SNX27: variants seen among roughly 807,000 people sequenced by gnomAD.
The protein encoded by SNX27 is sorting nexin 27.
SNX27 carries 22 observed loss-of-function variants against 71.6 expected under a neutral mutation model. The ratio of observed to expected loss-of-function variants is 0.31; its 90% CI spans 0.22 to 0.44. The LOEUF (loss-of-function observed/expected upper bound fraction) is 0.44, where lower values mean the gene tolerates loss of function less well. Ranked by LOEUF, SNX27 falls within the 20% of genes least tolerant of loss-of-function variation. The probability of loss-of-function intolerance (pLI) is 1.00; values close to 1 mark genes in which losing one functional copy is unlikely to be tolerated. For missense variants in SNX27, 531 were observed against 698.6 expected, an observed-to-expected ratio of 0.76 and a Z score of 2.70; for synonymous variants, 269 against 277.2, an observed-to-expected ratio of 0.97 and a Z score of 0.29.
At chr1:151,690,124 C>T (rs972083419) in intron 8 of SNX27, among the ~76,000 whole-genome samples, 3 of 152,328 alleles carry the variant, frequency 2.0e-5, no homozygotes, top group African/African-American at 4.8e-5. Context: ...GCTGGGATTA[C>T]AGGCATGAGC....
intron 1 of SNX27, chr1:151,613,876 T>A (rs1297284673): frequency 6.6e-6 from 1 of 152,212 alleles, no homozygotes; most frequent in African/African-American, 2.4e-5. Context: ...TGTTGTGCAT[T>A]CCTTTTTTAC....
At chr1:151,614,760 T>A (rs184790077) in intron 1 of SNX27, among the ~76,000 whole-genome samples, 1,637 of 152,334 alleles carry the variant, frequency 0.011, 16 homozygotes, top group Non-Finnish European at 0.016. Flanking sequence ...TTTTTAAATT[T>A]AAAACTAAAG....
At chr1:151,630,483 A>G (rs1328163475) in intron 1 of SNX27, among the ~76,000 whole-genome samples, 1 of 152,154 alleles carries the variant, frequency 6.6e-6, no homozygotes, top group Non-Finnish European at 1.5e-5. Context: ...AACTTTGGCC[A>G]TTTACTTTCT....
Position 151,612,649 on chromosome 1 carries a change from C to T in SNX27, c.311+137C>T. ...CTCCGGACCCCCGCCCCTCAGGCCT[C>T]CGCAGCCGGGCCCCTCCTTGTGGGC... On this transcript the variant is annotated intron_variant, in intron 1 of 11. Transcript: ENST00000458013. This position sits in a 1 kb window ranked among gnomAD's most constrained non-coding sequence, Gnocchi z 5.2. 1.5e-6 allele frequency: 1 copy of T among 661,600 alleles called. No individual in the cohort carries two copies. Among genetic ancestry groups the T allele is most frequent in the South Asian group, 4.5e-5 (1 of 22,184 alleles). 41.0% of individuals were successfully genotyped at this position (661,600 alleles called of 1,614,324 possible). A position where few individuals can be genotyped will look rare whatever the true frequency, so the allele number is the denominator to read the frequency against.
chr1:151,631,927 G>A (rs1307523455), intron 1 of SNX27, among the ~76,000 whole-genome samples: 8 of 152,082 alleles, frequency 5.3e-5, no homozygotes, highest in African/African-American at 1.7e-4. Flanking sequence ...CTCCCACTGC[G>A]GCCTCCCAAA....
chr1:151,638,761 A>T, intron 1 of SNX27, 127 bp from the exon 2 acceptor site: 1 of 856,638 alleles, frequency 1.2e-6, no homozygotes, highest in South Asian at 1.8e-5. Flanking sequence ...CTTTTCTGGA[A>T]CCAAATTAAT....
intron 9 of SNX27, 129 bp downstream of exon 9, chr1:151,692,713 C>A: frequency 1.4e-6 from 2 of 1,436,174 alleles, no homozygotes; most frequent in Non-Finnish European, 1.9e-6. Context: ...GGCAAATAAA[C>A]AGGCATGGAA....
chr1:151,615,357 C>CT (rs949670727), intron 1 of SNX27, among the ~76,000 whole-genome samples: 30 of 147,130 alleles, frequency 2.0e-4, no homozygotes, highest in East Asian at 5.9e-4. Context: ...TTTCTCTTTT[C>CT]TTTTTTTTTT....
intron 2 of SNX27, among the ~76,000 whole-genome samples, chr1:151,644,902 G>A (rs576450328): frequency 6.6e-6 from 1 of 152,150 alleles, no homozygotes; most frequent in Admixed American, 6.5e-5. Flanking sequence ...GGGTTCAAGC[G>A]ATTCTCCTGC....
chr1:151,656,187 C>CACTCTTA (rs1669681975), intron 2 of SNX27, among the ~76,000 whole-genome samples: 1 of 136,546 alleles, frequency 7.3e-6, no homozygotes, highest in African/African-American at 2.7e-5. Flanking sequence ...CGTGCCACTG[C>CACTCTTA]ACTCTTAGCC....
At chr1:151,618,342 T>G (rs913720705) in intron 1 of SNX27, among the ~76,000 whole-genome samples, 1 of 152,218 alleles carries the variant, frequency 6.6e-6, no homozygotes, top group East Asian at 1.9e-4. Flanking sequence ...ACCCTGTTGG[T>G]TATCAGTGAA....
At chr1:151,687,445 G>C (rs1373561554) in intron 8 of SNX27, among the ~76,000 whole-genome samples, 1 of 152,082 alleles carries the variant, frequency 6.6e-6, no homozygotes, top group East Asian at 1.9e-4. Context: ...AAAGCACACT[G>C]GTGATTCTGG....
chr1:151,627,140 T>C (rs1431648166), intron 1 of SNX27, among the ~76,000 whole-genome samples: 2 of 152,344 alleles, frequency 1.3e-5, no homozygotes, highest in East Asian at 3.9e-4. Flanking sequence ...CTCTGTATTA[T>C]ATTAAATTAA....
At chr1:151,660,756 A>G in intron 3 of SNX27, 42 bp from the exon 4 acceptor site, 1 of 1,462,822 alleles carries the variant, frequency 6.8e-7, no homozygotes. Context: ...TATATTCTTG[A>G]TTTTAAGGCC....
intron 1 of SNX27, among the ~76,000 whole-genome samples, chr1:151,622,807 T>A (rs917357609): frequency 2.0e-5 from 3 of 152,154 alleles, no homozygotes; most frequent in Non-Finnish European, 2.9e-5. Flanking sequence ...TTCTTTTTTT[T>A]AAATTTAATT....
intron 1 of SNX27, among the ~76,000 whole-genome samples, chr1:151,637,307 T>C (rs1668510686): frequency 6.6e-6 from 1 of 151,934 alleles, no homozygotes; most frequent in Non-Finnish European, 1.5e-5. Context: ...GCCTCCCAAG[T>C]AGCTGGGACT....
At position 151,696,514 on chromosome 1, in the gene SNX27, GTTCTTTCGTTCTTTCTTTCT is replaced by G. The variant is rs1671732917; in HGVS notation, c.*2105_*2124del. 1 of 118,666 alleles carries G rather than the reference GTTCTTTCGTTCTTTCTTTCT, an allele frequency of 8.4e-6. No homozygotes were observed. The highest frequency in any genetic ancestry group is 3.2e-5 in the African/African-American group (1 of 31,012). The allele number at this position is 118,666 out of a possible 1,614,324, so 7.4% of individuals were successfully genotyped here. ...CTTTCTTTCTTTCTTTCGTTCTTTC[GTTCTTTCGTTCTTTCTTTCT>G]TTCTTTCTTTCTCTTTCTTTCTTTT... On this transcript the variant is annotated 3_prime_UTR_variant, in exon 12 of 12. Coordinates refer to ENST00000458013, the MANE Select transcript of SNX27 (RefSeq NM_001330723.2).
chr1:151,671,041 T>C (rs1272645239), intron 7 of SNX27, among the ~76,000 whole-genome samples: 1 of 152,152 alleles, frequency 6.6e-6, no homozygotes, highest in Non-Finnish European at 1.5e-5. Flanking sequence ...TTGAAGAGAC[T>C]GTCTTTTCCC....
intron 1 of SNX27, among the ~76,000 whole-genome samples, chr1:151,634,222 C>T (rs1376855311): frequency 6.6e-6 from 1 of 152,156 alleles, no homozygotes; most frequent in African/African-American, 2.4e-5. Flanking sequence ...TATGTCTTAG[C>T]ACTTGCAGTT....
Sources: allele counts gnomAD v4.1 joint callset (sites outside exome capture counted in the v4.1 genomes callset), GRCh38; gene constraint gnomAD v4.1.1; non-coding constraint Gnocchi (gnomAD v3.1); transcripts MANE v1.5; gene names NCBI Gene and HGNC (gene_info 2026-07-23, HGNC 2026-07-21).